The following ZMYND10 variants were observed in gnomAD, a reference collection of about 807,000 sequenced individuals.
ZMYND10 encodes zinc finger MYND-type containing 10.
A neutral mutation model predicts 62.6 loss-of-function variants in ZMYND10; 52 were observed. The ratio of observed to expected loss-of-function variants is 0.83; its 90% CI spans 0.67 to 1.05. The LOEUF is 1.05. Among genes scored for constraint, ZMYND10 ranks in the 50% least tolerant of loss-of-function variants. The probability of loss-of-function intolerance (pLI) is 0.00; values close to 1 mark genes in which losing one functional copy is unlikely to be tolerated. For missense variants in ZMYND10, 438 were observed against 543.3 expected, an observed-to-expected ratio of 0.81 and a Z score of 1.93; for synonymous variants, 197 against 218.5, an observed-to-expected ratio of 0.90 and a Z score of 0.87.
intron 2 of ZMYND10, chr3:50,344,113 C>CTGCA (rs1036691153): frequency 9.4e-5 from 46 of 489,636 alleles, no homozygotes; most frequent in African/African-American, 1.6e-4. Context: ...CTGCCTGCAC[C>CTGCA]TGCACCCTTA....
At chr3:50,341,972 AAG>A in intron 9 of ZMYND10, 41 bp from the exon 10 acceptor site, 5 of 1,614,172 alleles carry the variant, frequency 3.1e-6, no homozygotes, top group Non-Finnish European at 4.2e-6. Context: ...GGTGCTGGTA[AAG>A]TGGGACAGTG....
At position 50,345,365 on chromosome 3, in the gene ZMYND10, G is replaced by T. The variant is rs587642714; in HGVS notation, c.92+123C>A. On this transcript the variant is annotated intron_variant, in intron 1 of 11. Transcript: ENST00000231749. This position sits in a 1 kb window ranked among gnomAD's most constrained non-coding sequence, Gnocchi z 5.0. ...TCAGGAGCAGTAATACTCCTGTCTC[G>T]GAACGCTCTGCTCCCCCATTTGGGA... 43 of 1,498,348 alleles carry T rather than the reference G, an allele frequency of 2.9e-5. No individual in the cohort carries two copies. The African/African-American group carries it at 5.8e-4, about 20-fold the overall frequency. The allele number at this position is 1,498,348 out of a possible 1,614,324, so 92.8% of individuals were successfully genotyped here. A position where few individuals can be genotyped will look rare whatever the true frequency, so the allele number is the denominator to read the frequency against.
At chr3:50,344,310 C>T (rs938874993) in intron 2 of ZMYND10, among the ~76,000 whole-genome samples, 20 of 148,954 alleles carry the variant, frequency 1.3e-4, no homozygotes, top group Non-Finnish European at 2.4e-4. Context: ...TTGCAAAGGA[C>T]CTTTCTTTTT....
chr3:50,345,213 T>A lies in ZMYND10; in HGVS notation c.112A>T (p.Asn38Tyr). 6.2e-7 allele frequency: 1 copy of A among 1,613,904 alleles called. No individual in the cohort carries two copies. The highest frequency in any genetic ancestry group is 8.5e-7 in the Non-Finnish European group (1 of 1,179,952). ...GCTTGCATGTTCAGCTTCTCCAGGT[T>A]CTCATGCTGCTGGTTCCACCTGCCT... Reference protein sequence around the residue: ...GSEGWNQQHENLEKLNMQAIL... With the variant: ...GSEGWNQQHEYLEKLNMQAIL... Residue 38 changes from asparagine (N) to tyrosine (Y), a missense_variant, in exon 2 of 12, where the codon AAC becomes TAC. Asn to Tyr is a moderately radical substitution (Grantham distance 143). Transcript: ENST00000231749. The surrounding 1 kb of genome is among the most constrained non-coding windows in gnomAD (Gnocchi z 5.0).
chr3:50,341,417 G>A lies in ZMYND10; in HGVS notation c.1316C>T (p.Ala439Val), dbSNP rs766273044. Residue 439 changes from alanine to valine, a missense_variant, in exon 12 of 12, where the codon GCC becomes GTC. Physicochemically the swap from Ala to Val is moderately conservative, Grantham distance 64. Transcript: ENST00000231749. ...CCTCAGCAACTGCAGCCCTCATTTG[G>A]CTCTGTCACCCTGGGCTGCCAGGAC... The part of the protein sequence containing the change: ...TCVLAAQGDR[A>V]K 4 of 1,613,994 alleles carry A rather than the reference G, an allele frequency of 2.5e-6. No individual in the cohort carries two copies. In the Admixed American group the frequency reaches 5.0e-5, roughly 20 times the overall value.
chr3:50,341,170 C>T lies in ZMYND10; in HGVS notation c.*240G>A. 1 of 621,784 alleles carries T rather than the reference C, an allele frequency of 1.6e-6. No individual in the cohort carries two copies. The highest frequency in any genetic ancestry group is 2.8e-6 in the Non-Finnish European group (1 of 357,424). The allele number at this position is 621,784 out of a possible 1,614,324, so 38.5% of individuals were successfully genotyped here. ...GAGGGTCCCCACATCCGGCCCTGGC[C>T]CTCCTGGTCCGGTTTGCTGAAGCAA... On this transcript the variant is annotated 3_prime_UTR_variant, in exon 12 of 12. Coordinates refer to ENST00000231749, the MANE Select transcript of ZMYND10 (RefSeq NM_015896.4).
rs1703355650 is a variant in ZMYND10, at chr3:50,341,126, C to G, written c.*284G>C. ...AGATACCCGTGTTTCTGGAGGCCAG[C>G]TTTACTGTGCTAGAGGAAGAGGGTC... On this transcript the variant is annotated 3_prime_UTR_variant, in exon 12 of 12. Transcript: ENST00000231749. 1 of 595,100 alleles carries G rather than the reference C, an allele frequency of 1.7e-6. No individual in the cohort carries two copies. The highest frequency in any genetic ancestry group is 1.9e-5 in the African/African-American group (1 of 53,530). The allele number at this position is 595,100 out of a possible 1,614,324, so 36.9% of individuals were successfully genotyped here. A position where few individuals can be genotyped will look rare whatever the true frequency, so the allele number is the denominator to read the frequency against.
intron 8 of ZMYND10, 104 bp downstream of exon 8, chr3:50,342,293 T>C (rs1703404746): frequency 6.4e-7 from 1 of 1,564,746 alleles, no homozygotes; most frequent in South Asian, 1.2e-5. Flanking sequence ...AAAAGAGCAC[T>C]GGGGTTGAGG....
At position 50,342,451 on chromosome 3, in the gene ZMYND10, A is replaced by G. The variant is rs1463204495; in HGVS notation, c.819T>C (p.Pro273=). 3 of 1,611,296 alleles carry G rather than the reference A, an allele frequency of 1.9e-6. No homozygotes were observed. Among genetic ancestry groups the G allele is most frequent in the African/African-American group, 1.3e-5 (1 of 74,830 alleles). The change falls in exon 8 of 12, where the codon CCT becomes CCC. Residue 273 remains proline, a synonymous_variant. Coordinates refer to ENST00000231749, the MANE Select transcript of ZMYND10 (RefSeq NM_015896.4). ...TGAGGCAGTAGCGCGCCTGAGCCTC[A>G]GGGCTTAGCAGCAGGTTGTACAGGG... ...WIALYNLLLS[P]EAQARYCLTS...
chr3:50,341,838 C>G lies in ZMYND10; in HGVS notation c.1093G>C (p.Glu365Gln), dbSNP rs1430985499. 1 of 1,614,166 alleles carries G rather than the reference C, an allele frequency of 6.2e-7. No homozygotes were observed. The highest frequency in any genetic ancestry group is 1.7e-5 in the Admixed American group (1 of 60,028). The change falls in exon 10 of 12, where the codon GAG becomes CAG. Residue 365 changes from glutamate to glutamine, a missense_variant. Physicochemically the swap from Glu to Gln is conservative, Grantham distance 29 (BLOSUM62 2). Transcript: ENST00000231749. ...HQLQHVFSPS[E>Q]QDLRLQARRW... ...CGCGCCTGCAGCCGCAGGTCCTGCT[C>G]TGAGGGGCTGAACACATGCTGGAGC...
At chr3:50,341,969 G>A (rs1575553082) in intron 9 of ZMYND10, 38 bp from the exon 10 acceptor site, 1 of 1,614,204 alleles carries the variant, frequency 6.2e-7, no homozygotes, top group Non-Finnish European at 8.5e-7. Context: ...GAAGGTGCTG[G>A]TAAAGTGGGA....
Position 50,341,420 on chromosome 3 carries a change from C to G in ZMYND10, c.1313G>C (p.Arg438Thr). The change falls in exon 12 of 12, where the codon AGA becomes ACA. Residue 438 changes from arginine (R) to threonine (T), a missense_variant. Arg to Thr is a moderately conservative substitution (Grantham distance 71). Transcript: ENST00000231749. Reference protein sequence around the residue: ...KTCVLAAQGDRAK With the variant: ...KTCVLAAQGDTAK ...CAGCAACTGCAGCCCTCATTTGGCT[C>G]TGTCACCCTGGGCTGCCAGGACACA... is the stretch of plus-strand genomic sequence containing the variant. 6.2e-7 allele frequency: 1 copy of G among 1,614,202 alleles called. No homozygotes were observed. Among genetic ancestry groups the G allele is most frequent in the Non-Finnish European group, 8.5e-7 (1 of 1,180,030 alleles).
Position 50,345,669 on chromosome 3 carries a change from T to G in ZMYND10, c.-90A>C, listed in dbSNP as rs917241699. 3.9e-6 allele frequency: 6 copies of G among 1,539,344 alleles called. No individual in the cohort carries two copies. Among genetic ancestry groups the G allele is most frequent in the African/African-American group, 1.4e-5 (1 of 72,916 alleles). On this transcript the variant is annotated 5_prime_UTR_variant, in exon 1 of 12. Transcript: ENST00000231749. This position sits in a 1 kb window ranked among gnomAD's most constrained non-coding sequence, Gnocchi z 5.0. Reference sequence around the variant, plus strand: ...ACGACGGACCCCGACGGTGCCAAAGTCTGGGACAGGACAGTTGCGGGACGG... The same window carrying G: ...ACGACGGACCCCGACGGTGCCAAAGGCTGGGACAGGACAGTTGCGGGACGG...
At position 50,341,231 on chromosome 3, in the gene ZMYND10, C is replaced by G. The variant is rs1703359864; in HGVS notation, c.*179G>C. 1 of 782,578 alleles carries G rather than the reference C, an allele frequency of 1.3e-6. No homozygotes were observed. The highest frequency in any genetic ancestry group is 1.7e-5 in the African/African-American group (1 of 57,536). The allele number at this position is 782,578 out of a possible 1,614,324, so 48.5% of individuals were successfully genotyped here. The stretch of plus-strand genomic sequence containing the variant: ...CTACCCACTGGGTGGGGCAGGAAGT[C>G]TCGAGCCTTCACTTGGGGTGAGGAG... On this transcript the variant is annotated 3_prime_UTR_variant, in exon 12 of 12. Coordinates refer to ENST00000231749, the MANE Select transcript of ZMYND10 (RefSeq NM_015896.4).
chr3:50,343,676 C>G, intron 3 of ZMYND10, 58 bp downstream of exon 3: 1 of 1,613,878 alleles, frequency 6.2e-7, no homozygotes, highest in Non-Finnish European at 8.5e-7. Context: ...AGCTCTCCTC[C>G]CCGGTCCAGA....
chr3:50,342,698 T>C (rs779330326), intron 7 of ZMYND10, 129 bp from the exon 8 acceptor site: 2 of 1,478,942 alleles, frequency 1.4e-6, no homozygotes, highest in Admixed American at 2.3e-5. Context: ...GCCCAGGCTA[T>C]AGGGCTGCTG....
intron 8 of ZMYND10, 56 bp downstream of exon 8, chr3:50,342,341 G>A: frequency 6.4e-7 from 1 of 1,554,396 alleles, no homozygotes; most frequent in Non-Finnish European, 8.7e-7. Flanking sequence ...CGCAGTCGGG[G>A]TAGGATGGGG....
chr3:50,341,609 G>T lies in ZMYND10; in HGVS notation c.1212C>A (p.Arg404=). 6.2e-7 allele frequency: 1 copy of T among 1,614,282 alleles called. No homozygotes were observed. The highest frequency in any genetic ancestry group is 8.5e-7 in the Non-Finnish European group (1 of 1,180,050). The change falls in exon 11 of 12, where the codon CGC becomes CGA. Residue 404 remains arginine (R), a synonymous_variant. Coordinates refer to ENST00000231749, the MANE Select transcript of ZMYND10 (RefSeq NM_015896.4). ...CAYCSAEASK[R]CSRCQNEWYC... ...ACCACTCATTCTGGCATCGTGAGCA[G>T]CGCTTAGAAGCCTCTGCACTGCAGT...
Position 50,342,135 on chromosome 3 carries a change from C to T in ZMYND10, c.879G>A (p.Arg293=). The T allele has an allele frequency of 1.9e-6, 3 of 1,609,980 alleles. No individual in the cohort carries two copies. Among genetic ancestry groups the T allele is most frequent in the Non-Finnish European group, 2.5e-6 (3 of 1,178,274 alleles). ...CCAGCAGTGTGTCTGTGAGGAAGGC[C>T]CGAAGCTGCAAGGGTGTCCAGTGGA... ...SFAKGRLLKL[R]AFLTDTLLDQ... is the part of the protein sequence containing the mutation. The change falls in exon 9 of 12, where the codon CGG becomes CGA. Residue 293 remains arginine, a synonymous_variant. Coordinates refer to ENST00000231749, the MANE Select transcript of ZMYND10 (RefSeq NM_015896.4).
Sources: gnomAD v4.1 joint callset for allele counts (sites outside exome capture counted in the v4.1 genomes callset) on GRCh38, gnomAD v4.1.1 for gene constraint, Gnocchi (gnomAD v3.1) non-coding constraint, MANE v1.5 for transcripts, NCBI Gene and HGNC (gene_info 2026-07-23, HGNC 2026-07-21) for gene names.